The following BMPR1B variants were observed in gnomAD, a reference collection of about 807,000 sequenced individuals.
BMPR1B encodes bone morphogenetic protein receptor type-1B.
A neutral mutation model predicts 59.1 loss-of-function variants in BMPR1B; 12 were observed. That is an observed-to-expected ratio of 0.20 (90% CI 0.13 to 0.33). The LOEUF is 0.33. Ranked by LOEUF, BMPR1B falls within the 10% of genes least tolerant of loss-of-function variation. BMPR1B has a pLI of 1.00. For synonymous variants in BMPR1B, 237 were observed against 207.3 expected, an observed-to-expected ratio of 1.14 and a Z score of -1.23; for missense variants, 550 against 610.9, an observed-to-expected ratio of 0.90 and a Z score of 1.05.
chr4:94,937,074 G>A (rs1432902529), intron 2 of BMPR1B, among the ~76,000 whole-genome samples: 3 of 152,074 alleles, frequency 2.0e-5, no homozygotes, highest in Admixed American at 1.3e-4. Flanking sequence ...TTCTAGCCTT[G>A]TTACTTGTCA....
intron 3 of BMPR1B, among the ~76,000 whole-genome samples, chr4:95,021,908 A>G (rs1022524640): frequency 5.3e-5 from 8 of 152,238 alleles, no homozygotes; most frequent in African/African-American, 1.7e-4. Flanking sequence ...CAAAATTAAT[A>G]GGAACTTACG....
intron 10 of BMPR1B, among the ~76,000 whole-genome samples, chr4:95,135,662 TTGTC>T (rs1733720298): frequency 6.6e-6 from 1 of 152,206 alleles, no homozygotes; most frequent in African/African-American, 2.4e-5. Flanking sequence ...GGCTCTCTGT[TTGTC>T]TGTTATTTGT....
intron 1 of BMPR1B, among the ~76,000 whole-genome samples, chr4:94,814,790 T>C (rs1446873811): frequency 6.6e-6 from 1 of 152,212 alleles, no homozygotes; most frequent in African/African-American, 2.4e-5. Flanking sequence ...CTATGTTTTT[T>C]GCACAGGATA....
chr4:95,053,280 C>CT (rs1553931799), intron 3 of BMPR1B, among the ~76,000 whole-genome samples: 3 of 50,642 alleles, frequency 5.9e-5, no homozygotes, highest in East Asian at 5.2e-4. Context: ...TTGCAGGGCA[C>CT]TTGTGTGTGT....
At chr4:94,761,557 C>G (rs915244019) in intron 1 of BMPR1B, among the ~76,000 whole-genome samples, 3 of 151,762 alleles carry the variant, frequency 2.0e-5, no homozygotes, top group Non-Finnish European at 4.4e-5. Flanking sequence ...ACTCCCAGAA[C>G]AACTGCAAAT....
intron 2 of BMPR1B, among the ~76,000 whole-genome samples, chr4:94,924,464 C>A (rs1361080089): frequency 6.6e-6 from 1 of 152,040 alleles, no homozygotes; most frequent in African/African-American, 2.4e-5. Context: ...ATAAATACAT[C>A]CTTGTTTACC....
intron 3 of BMPR1B, among the ~76,000 whole-genome samples, chr4:95,077,653 A>C (rs1728815206): frequency 6.6e-6 from 1 of 152,152 alleles, no homozygotes. Flanking sequence ...ATGGTAAATT[A>C]GAATTTAGTA....
intron 11 of BMPR1B, among the ~76,000 whole-genome samples, chr4:95,150,509 T>C (rs1350160891): frequency 6.6e-6 from 1 of 151,782 alleles, no homozygotes; most frequent in Non-Finnish European, 1.5e-5. Context: ...ATGCTTATAC[T>C]TAATTAAGAT....
intron 2 of BMPR1B, among the ~76,000 whole-genome samples, chr4:94,915,436 A>G (rs1728445903): frequency 6.6e-6 from 1 of 152,204 alleles, no homozygotes. Context: ...TCCCATGCTT[A>G]CATAACAGCA....
At chr4:94,958,610 A>G (rs769366062) in intron 2 of BMPR1B, among the ~76,000 whole-genome samples, 2 of 152,214 alleles carry the variant, frequency 1.3e-5, no homozygotes, top group African/African-American at 2.4e-5. Flanking sequence ...TTGTTTTAAC[A>G]TAATTACCTC....
At chr4:95,004,379 A>T (rs908642585) in intron 3 of BMPR1B, among the ~76,000 whole-genome samples, 4 of 152,180 alleles carry the variant, frequency 2.6e-5, no homozygotes, top group Non-Finnish European at 4.4e-5. Flanking sequence ...CTGCCCTAGA[A>T]CATTTAAAAT....
At chr4:94,926,064 AATCCCTCCCGT>A (rs1221020546) in intron 2 of BMPR1B, among the ~76,000 whole-genome samples, 13 of 11,532 alleles carry the variant, frequency 1.1e-3, no homozygotes, top group Admixed American at 3.6e-3. Flanking sequence ...CCTCCCCCCC[AATCCCTCCCGT>A]CTCCCTCCCC....
chr4:95,115,714 A>G lies in BMPR1B; in HGVS notation c.276A>G (p.Ser92=). 7 of 1,613,764 alleles carry G rather than the reference A, an allele frequency of 4.3e-6. No homozygotes were observed. The highest frequency in any genetic ancestry group is 5.9e-6 in the Non-Finnish European group (7 of 1,179,778). The change falls in exon 6 of 13, where the codon TCA becomes TCG. Residue 92 remains serine (S), a synonymous_variant. Coordinates refer to ENST00000515059, the MANE Select transcript of BMPR1B (RefSeq NM_001203.3). ...RDTPIPHQRR[S]IECCTERNEC... is the part of the protein sequence containing the mutation. ...CTCCCATTCCTCATCAAAGAAGATC[A>G]ATTGAATGCTGCACAGAAAGGAACG...
chr4:95,022,403 C>A (rs1436007501), intron 3 of BMPR1B, among the ~76,000 whole-genome samples: 3 of 152,130 alleles, frequency 2.0e-5, no homozygotes, highest in Non-Finnish European at 4.4e-5. Flanking sequence ...CAACATTTTT[C>A]AAATTCTGTT....
At chr4:94,909,839 G>A (rs1237333797) in intron 2 of BMPR1B, among the ~76,000 whole-genome samples, 1 of 152,018 alleles carries the variant, frequency 6.6e-6, no homozygotes. Flanking sequence ...GGCCTATTGT[G>A]TCTCCAGGTG....
intron 2 of BMPR1B, among the ~76,000 whole-genome samples, chr4:94,947,742 T>C (rs1578836436): frequency 6.6e-6 from 1 of 152,184 alleles, no homozygotes; most frequent in Admixed American, 6.5e-5. Flanking sequence ...TATTGTCTGG[T>C]CTGTCTTATC....
At chr4:95,130,692 C>G (rs1733266367) in intron 9 of BMPR1B, among the ~76,000 whole-genome samples, 2 of 149,806 alleles carry the variant, frequency 1.3e-5, no homozygotes, top group African/African-American at 4.9e-5. Context: ...TTTCTCTACT[C>G]CTACAGGTTT....
intron 2 of BMPR1B, among the ~76,000 whole-genome samples, chr4:94,975,114 T>G (rs1414832880): frequency 6.6e-6 from 1 of 152,022 alleles, no homozygotes; most frequent in Non-Finnish European, 1.5e-5. Flanking sequence ...GGCTCCAAGG[T>G]CTCCTCAGGA....
chr4:94,800,819 C>T (rs11943082), intron 1 of BMPR1B, among the ~76,000 whole-genome samples: 48,098 of 152,028 alleles, frequency 0.32, 8,211 homozygotes, highest in African/African-American at 0.44. Flanking sequence ...AGCCACTGTC[C>T]TCAAGGAACT....
Sources: gnomAD v4.1 joint callset for allele counts (sites outside exome capture counted in the v4.1 genomes callset) on GRCh38, gnomAD v4.1.1 for gene constraint, MANE v1.5 for transcripts, NCBI Gene and HGNC (gene_info 2026-07-23, HGNC 2026-07-21) for gene names.